The following ATP8A2 variants were observed in gnomAD, a reference collection of about 807,000 sequenced individuals.
ATP8A2 encodes ATPase phospholipid transporting 8A2, also known as phospholipid-transporting ATPase IB.
A neutral mutation model predicts 165.6 loss-of-function variants in ATP8A2; 100 were observed. The observed-to-expected ratio is 0.60, with a 90% CI of 0.51 to 0.71. The LOEUF is 0.71. Among genes scored for constraint, ATP8A2 ranks in the 30% least tolerant of loss-of-function variants. The pLI is 0.00. For missense variants in ATP8A2, 1,227 were observed against 1,479.5 expected (o/e 0.83, Z 2.80); for synonymous variants, 543 against 548.8 (o/e 0.99, Z 0.15).
intron 25 of ATP8A2, among the ~76,000 whole-genome samples, chr13:25,764,590 C>G (rs1040137448): frequency 1.3e-5 from 2 of 152,198 alleles, no homozygotes; most frequent in African/African-American, 4.8e-5. Context: ...TTCACAGGCC[C>G]AGCCCAGGCT....
At chr13:25,734,360 A>G (rs1034494431) in intron 25 of ATP8A2, among the ~76,000 whole-genome samples, 1 of 152,184 alleles carries the variant, frequency 6.6e-6, no homozygotes, top group African/African-American at 2.4e-5. Flanking sequence ...TCACATCCTT[A>G]CTTTTCCCAT....
chr13:25,563,860 AGGTAT>A, intron 15 of ATP8A2, 91 bp from the exon 16 acceptor site: 1 of 790,406 alleles, frequency 1.3e-6, no homozygotes. Context: ...ATAGGACTTT[AGGTAT>A]GGTTCTTCTT....
At chr13:25,512,806 G>A (rs1274315797) in intron 2 of ATP8A2, among the ~76,000 whole-genome samples, 14 of 140,162 alleles carry the variant, frequency 1.0e-4, no homozygotes, top group South Asian at 4.7e-4. Flanking sequence ...TCTCCCTCCC[G>A]TACGGGGCGG....
rs991376925 is a variant in ATP8A2 at position 25,481,649 on chromosome 13, G to A, written c.221+12528G>A. ...TGCCATAGCAAAATACATAGACTGC[G>A]GGGGCGTAAGCAGGTGTTCGTCTTC... is the stretch of plus-strand genomic sequence containing the variant. On this transcript the variant is annotated intron_variant, in intron 2 of 36. Coordinates refer to ENST00000381655, the MANE Select transcript of ATP8A2 (RefSeq NM_016529.6). Among the ~76,000 whole-genome samples the A allele has an allele frequency of 2.6e-5, 4 of 152,310 alleles. No homozygotes were observed. The East Asian group carries it at 7.7e-4, about 29-fold the overall frequency.
At position 25,705,453 on chromosome 13, in the gene ATP8A2, G is replaced by A. The variant is rs573100597; in HGVS notation, c.2384+6108G>A. The A allele has an allele frequency of 7.4e-5, 12 of 162,568 alleles. No homozygotes were observed. The South Asian group carries it at 1.8e-3, about 25-fold the overall frequency. 10.1% of individuals were successfully genotyped at this position (162,568 alleles called of 1,614,324 possible). Reference sequence around the variant, plus strand: ...GAGTGGAAGGAAAACACCGCGGCAGGGATTTCCACGGGATGTGCAAATTAA... The same window carrying A: ...GAGTGGAAGGAAAACACCGCGGCAGAGATTTCCACGGGATGTGCAAATTAA... On this transcript the variant is annotated intron_variant, in intron 25 of 36. Coordinates refer to ENST00000381655, the MANE Select transcript of ATP8A2 (RefSeq NM_016529.6).
intron 35 of ATP8A2, among the ~76,000 whole-genome samples, chr13:25,969,361 T>C (rs1342544769): frequency 2.0e-5 from 3 of 152,146 alleles, no homozygotes; most frequent in Non-Finnish European, 4.4e-5. Flanking sequence ...TCAAGGGAAA[T>C]TTCTTTGGGC....
intron 1 of ATP8A2, among the ~76,000 whole-genome samples, chr13:25,403,176 C>T (rs541246787): frequency 2.0e-5 from 3 of 152,224 alleles, no homozygotes; most frequent in African/African-American, 7.2e-5. Context: ...TTTGCCTTTC[C>T]ACCATGAGAG....
intron 26 of ATP8A2, among the ~76,000 whole-genome samples, chr13:25,771,421 T>A (rs1446989759): frequency 6.6e-6 from 1 of 152,216 alleles, no homozygotes; most frequent in Non-Finnish European, 1.5e-5. Context: ...AGTTATAACA[T>A]CATATGGCTG....
At chr13:25,804,725 G>T (rs979432417) in intron 27 of ATP8A2, among the ~76,000 whole-genome samples, 1 of 152,104 alleles carries the variant, frequency 6.6e-6, no homozygotes, top group African/African-American at 2.4e-5. Context: ...TCTGAACCCC[G>T]TGCATTCTGG....
At chr13:25,541,883 T>C (rs1593497106) in intron 8 of ATP8A2, 36 bp from the exon 9 acceptor site, 1 of 1,612,560 alleles carries the variant, frequency 6.2e-7, no homozygotes, top group Non-Finnish European at 8.5e-7. Flanking sequence ...GCACAGAAGA[T>C]TGTGTTTGAC....
At chr13:25,609,161 A>G (rs1285814940) in intron 24 of ATP8A2, among the ~76,000 whole-genome samples, 1 of 152,100 alleles carries the variant, frequency 6.6e-6, no homozygotes, top group East Asian at 1.9e-4. Context: ...CAATAGTAAG[A>G]TTCTTCAAAA....
intron 33 of ATP8A2, among the ~76,000 whole-genome samples, chr13:25,898,212 T>C (rs1044333857): frequency 2.6e-5 from 4 of 152,226 alleles, no homozygotes; most frequent in African/African-American, 9.6e-5. Flanking sequence ...TTGGTGTGGA[T>C]GTCCTTTCTA....
chr13:25,483,070 G>C (rs924046882), intron 2 of ATP8A2, among the ~76,000 whole-genome samples: 1 of 152,234 alleles, frequency 6.6e-6, no homozygotes, highest in Non-Finnish European at 1.5e-5. Context: ...GTGATAGATA[G>C]TACTTGGGTT....
intron 33 of ATP8A2, among the ~76,000 whole-genome samples, chr13:25,919,196 T>C (rs1306716513): frequency 6.6e-6 from 1 of 152,218 alleles, no homozygotes; most frequent in African/African-American, 2.4e-5. Flanking sequence ...ACTCAAAATG[T>C]TCAGGTAAGC....
Position 25,571,993 on chromosome 13 carries a change from C to T in ATP8A2, c.1662+301C>T, listed in dbSNP as rs115293505. ...TATAATAATTGGGAAAATAACTTAG[C>T]GGCCCACTTGTCTTTGAGGGCAGGT... On this transcript the variant is annotated intron_variant, in intron 18 of 36. Transcript: ENST00000381655. 7.2e-3 allele frequency among the ~76,000 whole-genome samples: 1,104 copies of T among 152,286 alleles called. 17 individuals are homozygous for T. Among genetic ancestry groups the T allele is most frequent in the African/African-American group, 0.026 (1,068 of 41,542 alleles).
At chr13:25,778,922 A>G (rs1292894133) in intron 27 of ATP8A2, among the ~76,000 whole-genome samples, 2 of 152,150 alleles carry the variant, frequency 1.3e-5, no homozygotes, top group Non-Finnish European at 2.9e-5. Flanking sequence ...TTAGAAACAC[A>G]CTGAGGATTT....
chr13:25,895,399 G>A (rs1432879265), intron 33 of ATP8A2, among the ~76,000 whole-genome samples: 1 of 152,242 alleles, frequency 6.6e-6, no homozygotes, highest in African/African-American at 2.4e-5. Flanking sequence ...GATCATGGTG[G>A]ATAAGCTTTT....
chr13:25,713,229 A>G (rs2137989316), intron 25 of ATP8A2, among the ~76,000 whole-genome samples: 1 of 152,324 alleles, frequency 6.6e-6, no homozygotes, highest in South Asian at 2.1e-4. Flanking sequence ...TTCTATTTCT[A>G]ACTTGAAAGG....
chr13:25,996,655 A>T (rs1372710482), intron 35 of ATP8A2, among the ~76,000 whole-genome samples: 1 of 151,808 alleles, frequency 6.6e-6, no homozygotes, highest in Non-Finnish European at 1.5e-5. Flanking sequence ...CCTCCTAAGT[A>T]GCTGGTATTA....
Sources: gnomAD v4.1 joint callset for allele counts (sites outside exome capture counted in the v4.1 genomes callset) on GRCh38, gnomAD v4.1.1 for gene constraint, MANE v1.5 for transcripts, NCBI Gene and HGNC (gene_info 2026-07-23, HGNC 2026-07-21) for gene names.